Variants in PDZK1 observed in about 807,000 individuals in gnomAD.
PDZK1 encodes PDZ domain containing 1.
A neutral mutation model predicts 38.1 loss-of-function variants in PDZK1; 23 were observed. The observed-to-expected ratio is 0.60, with a 90% confidence interval of 0.43 to 0.85. PDZK1 has a LOEUF of 0.85. PDZK1 is among the 40% of genes least tolerant of loss of function. PDZK1 has a pLI of 0.00. For synonymous variants in PDZK1, 98 were observed against 186.2 expected, an observed-to-expected ratio of 0.53 and a Z score of 3.86; for missense variants, 297 against 504.3, an observed-to-expected ratio of 0.59 and a Z score of 3.94.
At chr1:145,704,438 T>C (rs915843604) in intron 1 of PDZK1, among the ~76,000 whole-genome samples, 1 of 152,226 alleles carries the variant, frequency 6.6e-6, no homozygotes, top group Non-Finnish European at 1.5e-5. Context: ...GGTTCCTTCA[T>C]TTCCGGGGGT....
chr1:145,704,556 T>C (rs1311046663), intron 1 of PDZK1, among the ~76,000 whole-genome samples: 1 of 152,190 alleles, frequency 6.6e-6, no homozygotes, highest in African/African-American at 2.4e-5. Flanking sequence ...GGTTCTAATA[T>C]GCCCATTTGA....
chr1:145,698,945 T>G (rs1023667781), intron 1 of PDZK1, among the ~76,000 whole-genome samples: 1 of 143,258 alleles, frequency 7.0e-6, no homozygotes, highest in African/African-American at 2.6e-5. Flanking sequence ...CCTCAAAAAA[T>G]AAAAAATAAA....
At chr1:145,680,140 T>A in intron 5 of PDZK1, among the ~76,000 whole-genome samples, 1 of 152,304 alleles carries the variant, frequency 6.6e-6, no homozygotes, top group South Asian at 2.1e-4. Context: ...TGAAGGTACT[T>A]AACCTCTATC....
chr1:145,676,003 G>A (rs1222359826), intron 6 of PDZK1, among the ~76,000 whole-genome samples: 5 of 151,838 alleles, frequency 3.3e-5, no homozygotes, highest in African/African-American at 7.3e-5. Context: ...GGACAACAGC[G>A]GGAGACTCTG....
At position 145,682,009 on chromosome 1, in the gene PDZK1, A is replaced by AACACACACAC. The variant is rs71077284; in HGVS notation, c.597+481_597+490dup. Reference sequence around the variant, plus strand: ...ACATAGTGAGACCCTATCTCTACAAAACACACACACACACACACACACACA... The same window carrying AACACACACAC: ...ACATAGTGAGACCCTATCTCTACAAAACACACACACACACACACACACACACACACACACA... On this transcript the variant is annotated intron_variant, in intron 4 of 8. Coordinates refer to ENST00000417171, the MANE Select transcript of PDZK1 (RefSeq NM_001201325.2). Among the ~76,000 whole-genome samples, 557 of 108,270 alleles carry AACACACACAC rather than the reference A, an allele frequency of 5.1e-3. 16 individuals are homozygous for AACACACACAC. Among genetic ancestry groups the AACACACACAC allele is most frequent in the Non-Finnish European group, 7.1e-3 (382 of 54,160 alleles). The allele number at this position is 108,270 out of a possible 152,430, so 71.0% of individuals were successfully genotyped here. A position where few individuals can be genotyped will look rare whatever the true frequency, so the allele number is the denominator to read the frequency against.
At chr1:145,690,217 C>T (rs1655127650) in intron 1 of PDZK1, among the ~76,000 whole-genome samples, 1 of 152,158 alleles carries the variant, frequency 6.6e-6, no homozygotes, top group Non-Finnish European at 1.5e-5. Flanking sequence ...GCTCCCTCAC[C>T]TTTCACTCCT....
chr1:145,689,936 G>A (rs1029906078), intron 1 of PDZK1, among the ~76,000 whole-genome samples: 1 of 152,100 alleles, frequency 6.6e-6, no homozygotes, highest in Admixed American at 6.6e-5. Flanking sequence ...TGCAGTCTCC[G>A]CAAAGTCTGA....
At chr1:145,698,880 A>C (rs1655787094) in intron 1 of PDZK1, among the ~76,000 whole-genome samples, 1 of 152,010 alleles carries the variant, frequency 6.6e-6, no homozygotes, top group Admixed American at 6.5e-5. Flanking sequence ...CGGAGGCTGC[A>C]GTAAGCCAAG....
At chr1:145,696,063 G>A (rs587638216) in intron 1 of PDZK1, among the ~76,000 whole-genome samples, 2 of 152,308 alleles carry the variant, frequency 1.3e-5, no homozygotes, top group South Asian at 4.1e-4. Flanking sequence ...CCCCTGGCAT[G>A]TAGTTATTTT....
At chr1:145,686,370 A>G in intron 3 of PDZK1, 107 bp downstream of exon 3, 1 of 1,453,036 alleles carries the variant, frequency 6.9e-7, no homozygotes. Flanking sequence ...ATAGCAACTG[A>G]AAAGTCAGTC....
intron 1 of PDZK1, among the ~76,000 whole-genome samples, chr1:145,700,154 A>G (rs1553704770): frequency 6.6e-6 from 1 of 152,238 alleles, no homozygotes; most frequent in Non-Finnish European, 1.5e-5. Context: ...GGGATTCTCT[A>G]TCTACTCAGT....
At chr1:145,682,835 C>T (rs1250269236) in intron 3 of PDZK1, among the ~76,000 whole-genome samples, 199 bp from the exon 4 acceptor site, 1 of 152,188 alleles carries the variant, frequency 6.6e-6, no homozygotes, top group Non-Finnish European at 1.5e-5. Context: ...CTATAGCATT[C>T]TTGGCTATTG....
chr1:145,688,103 T>C (rs975959519), intron 1 of PDZK1, 80 bp from the exon 2 acceptor site: 87 of 1,227,470 alleles, frequency 7.1e-5, no homozygotes, highest in Non-Finnish European at 9.4e-5. Context: ...CCATCTCCTA[T>C]AATTCTGTTC....
chr1:145,674,303 T>G (rs1653406945), intron 6 of PDZK1: 12 of 983,544 alleles, frequency 1.2e-5, no homozygotes, highest in Non-Finnish European at 1.4e-5. Context: ...GCTTTTCCTT[T>G]CGGTAAGATG....
chr1:145,694,335 A>G, intron 1 of PDZK1, among the ~76,000 whole-genome samples: 1 of 152,104 alleles, frequency 6.6e-6, no homozygotes, highest in East Asian at 1.9e-4. Context: ...CTCCCTACCA[A>G]TCTCTTCCCT....
rs587765786 is a variant in PDZK1, at chr1:145,674,298, T to C, written c.991-417A>G. On this transcript the variant is annotated intron_variant, in intron 6 of 8. Transcript: ENST00000417171. ...ATGCAGAGTACATTCTTCTGGCTTT[T>C]CCTTTCGGTAAGATGGTCTTCAGAG... 935 of 984,576 alleles carry C rather than the reference T, an allele frequency of 9.5e-4. 7 individuals carry two copies. The African/African-American group carries it at 0.015, about 16-fold the overall frequency. 61.0% of individuals were successfully genotyped at this position (984,576 alleles called of 1,614,324 possible).
rs72993556 is a variant in PDZK1 at position 145,703,819 on chromosome 1, A to G, written c.-3+3498T>C. On this transcript the variant is annotated intron_variant, in intron 1 of 8. Transcript: ENST00000417171. ...GGATCCATGTCGTGTGTCCCCAACAAGATAAGCTTTTTTTTTTTGGCCAGG... is the reference window on the plus strand; with the variant it reads ...GGATCCATGTCGTGTGTCCCCAACAGGATAAGCTTTTTTTTTTTGGCCAGG... Among the ~76,000 whole-genome samples the G allele has an allele frequency of 4.7e-3, 708 of 152,028 alleles. 7 individuals carry two copies. Among genetic ancestry groups the G allele is most frequent in the African/African-American group, 0.016 (668 of 41,468 alleles).
chr1:145,674,716 A>G (rs1240911134), intron 6 of PDZK1, among the ~76,000 whole-genome samples: 28 of 152,224 alleles, frequency 1.8e-4, no homozygotes, highest in East Asian at 1.5e-3. Flanking sequence ...GAGCCACACT[A>G]CTGGCATCCC....
Position 145,707,136 on chromosome 1 carries a change from C to T in PDZK1, c.-3+181G>A, listed in dbSNP as rs181790046. The stretch of plus-strand genomic sequence containing the variant: ...ATCTCCAGCAGAAAGAATCTCAGAG[C>T]GTGGATCATCTCTCACCCCCAACCA... On this transcript the variant is annotated intron_variant, in intron 1 of 8. Coordinates refer to ENST00000417171, the MANE Select transcript of PDZK1 (RefSeq NM_001201325.2). 4.6e-5 allele frequency among the ~76,000 whole-genome samples: 7 copies of T among 152,182 alleles called. No homozygotes were observed. In the East Asian group the frequency reaches 1.4e-3, roughly 29 times the overall value.
Sources: gnomAD v4.1 joint callset for allele counts (sites outside exome capture counted in the v4.1 genomes callset) on GRCh38, gnomAD v4.1.1 for gene constraint, MANE v1.5 for transcripts, NCBI Gene and HGNC (gene_info 2026-07-23, HGNC 2026-07-21) for gene names.